SHB: variants seen among roughly 807,000 people sequenced by gnomAD.
The protein encoded by SHB is SH2 domain containing adaptor protein B.
In SHB, 20 loss-of-function variants were observed where a neutral mutation model predicts 52.3. The ratio of observed to expected loss-of-function variants is 0.38; its 90% confidence interval spans 0.27 to 0.56. The LOEUF is 0.56. SHB is among the 20% of genes least tolerant of loss of function. The pLI, the probability that SHB is intolerant of heterozygous loss-of-function variation, is 0.71. For synonymous variants in SHB, 397 were observed against 316.5 expected (o/e 1.25, Z -2.70); for missense variants, 825 against 723.3 (o/e 1.14, Z -1.61).
Position 38,039,863 on chromosome 9 carries a change from G to C in SHB, c.718-23732C>G, listed in dbSNP as rs773653269. Among the ~76,000 whole-genome samples the C allele has an allele frequency of 6.6e-5, 10 of 152,246 alleles. 1 individual carries two copies. Among genetic ancestry groups the C allele is most frequent in the Non-Finnish European group, 1.2e-4 (8 of 68,040 alleles). On this transcript the variant is annotated intron_variant, in intron 1 of 5. Transcript: ENST00000377707. ...AGCTGGAGCTCGAGGGGCGAGGGGA[G>C]AGGAGGAGAAATGGGCCTCTCGACA...
chr9:38,068,394 G>A lies in SHB; in HGVS notation c.252C>T (p.Tyr84=), dbSNP rs777328523. 9 of 1,575,472 alleles carry A rather than the reference G, an allele frequency of 5.7e-6. No homozygotes were observed. In the South Asian group the frequency reaches 7.0e-5, roughly 12 times the overall value. The part of the protein sequence containing the change: ...SGSTSDLIRA[Y]RAQKERDFED... ...CGAAGTCTCGCTCCTTCTGCGCGCG[G>A]TAGGCGCGGATGAGGTCGCTGGTGC... The change falls in exon 1 of 6, where the codon TAC becomes TAT. Residue 84 remains tyrosine, a synonymous_variant. Coordinates refer to ENST00000377707, the MANE Select transcript of SHB (RefSeq NM_003028.3).
At chr9:37,974,434 G>A (rs569063699) in intron 3 of SHB, among the ~76,000 whole-genome samples, 188 bp downstream of exon 3, 7 of 152,166 alleles carry the variant, frequency 4.6e-5, no homozygotes, top group South Asian at 4.2e-4. Context: ...ATTTCTCCTC[G>A]GCCTGGTTTC....
chr9:38,018,475 A>G (rs749923312), intron 1 of SHB, among the ~76,000 whole-genome samples: 12 of 151,292 alleles, frequency 7.9e-5, no homozygotes, highest in Non-Finnish European at 1.2e-4. Flanking sequence ...GGTTCCAGTT[A>G]TACCTGCTGA....
At chr9:38,032,698 G>A (rs940132772) in intron 1 of SHB, among the ~76,000 whole-genome samples, 6 of 152,150 alleles carry the variant, frequency 3.9e-5, no homozygotes, top group African/African-American at 7.2e-5. Context: ...TGTACCAGCC[G>A]TATCCCTCCT....
intron 3 of SHB, among the ~76,000 whole-genome samples, chr9:37,959,913 T>C (rs189491924): frequency 5.6e-4 from 85 of 152,236 alleles, no homozygotes; most frequent in Admixed American, 2.6e-3. Context: ...ACCTAGCCCA[T>C]TACCGGCAAC....
At chr9:37,970,223 C>T (rs1413400117) in intron 3 of SHB, among the ~76,000 whole-genome samples, 3 of 152,306 alleles carry the variant, frequency 2.0e-5, no homozygotes, top group Non-Finnish European at 4.4e-5. Context: ...GAGCAGGCAA[C>T]GAACACCCAG....
At chr9:38,056,058 C>A (rs1289118075) in intron 1 of SHB, among the ~76,000 whole-genome samples, 1 of 152,160 alleles carries the variant, frequency 6.6e-6, no homozygotes, top group African/African-American at 2.4e-5. Flanking sequence ...AGAAAGTTGT[C>A]ATTTTATAAA....
At chr9:38,028,895 T>C (rs1345363292) in intron 1 of SHB, among the ~76,000 whole-genome samples, 1 of 152,196 alleles carries the variant, frequency 6.6e-6, no homozygotes, top group Non-Finnish European at 1.5e-5. Flanking sequence ...TCACCTGCCA[T>C]TCCACGGGGT....
chr9:37,934,884 CA>C (rs1053395003), intron 5 of SHB, among the ~76,000 whole-genome samples: 16 of 152,248 alleles, frequency 1.1e-4, no homozygotes, highest in Admixed American at 1.0e-3. Context: ...TGGGTTTGAC[CA>C]CATTAATTAT....
chr9:38,040,583 G>T (rs1216542123), intron 1 of SHB, among the ~76,000 whole-genome samples: 1 of 152,176 alleles, frequency 6.6e-6, no homozygotes, highest in East Asian at 1.9e-4. Flanking sequence ...AGGCAGACAG[G>T]CAGGTAGTGC....
At chr9:38,041,048 G>A (rs1821569137) in intron 1 of SHB, among the ~76,000 whole-genome samples, 1 of 152,032 alleles carries the variant, frequency 6.6e-6, no homozygotes, top group Admixed American at 6.6e-5. Flanking sequence ...GAGGACATTT[G>A]TCCTTACCGA....
chr9:37,941,436 C>T (rs991444516), intron 5 of SHB, among the ~76,000 whole-genome samples: 15 of 152,216 alleles, frequency 9.9e-5, no homozygotes, highest in Non-Finnish European at 4.4e-5. Context: ...TAGTATGTGG[C>T]GGAGCTGGGT....
At chr9:38,029,211 G>C (rs1158652899) in intron 1 of SHB, among the ~76,000 whole-genome samples, 1 of 152,248 alleles carries the variant, frequency 6.6e-6, no homozygotes, top group Non-Finnish European at 1.5e-5. Context: ...GCATAAAGGG[G>C]TGTGAGTAAA....
At chr9:37,949,749 G>C (rs1444844410) in intron 4 of SHB, among the ~76,000 whole-genome samples, 1 of 152,230 alleles carries the variant, frequency 6.6e-6, no homozygotes, top group Non-Finnish European at 1.5e-5. Context: ...GGTGGGCAGG[G>C]AGGTAGCTGT....
intron 3 of SHB, among the ~76,000 whole-genome samples, chr9:37,956,313 A>C (rs1391407849): frequency 6.6e-6 from 1 of 152,014 alleles, no homozygotes; most frequent in East Asian, 1.9e-4. Context: ...CCCCCACAGA[A>C]ACCTCCCTGT....
intron 2 of SHB, among the ~76,000 whole-genome samples, chr9:37,989,089 A>ACACT (rs1554703196): frequency 2.1e-4 from 32 of 150,750 alleles, no homozygotes; most frequent in Non-Finnish European, 3.8e-4. Flanking sequence ...ACACACACAC[A>ACACT]CTCTCTCTCA....
intron 5 of SHB, among the ~76,000 whole-genome samples, chr9:37,920,400 G>T (rs909359603): frequency 6.6e-6 from 1 of 152,234 alleles, no homozygotes; most frequent in Non-Finnish European, 1.5e-5. Context: ...GGTGCAAAGT[G>T]TGTTCATGTC....
At chr9:37,993,022 A>C (rs145608435) in intron 2 of SHB, among the ~76,000 whole-genome samples, 1 of 152,300 alleles carries the variant, frequency 6.6e-6, no homozygotes, top group African/African-American at 2.4e-5. Flanking sequence ...TGTGCACATG[A>C]GAGTGTCTCA....
At chr9:38,054,330 C>G (rs1019439414) in intron 1 of SHB, among the ~76,000 whole-genome samples, 6 of 152,220 alleles carry the variant, frequency 3.9e-5, no homozygotes, top group African/African-American at 1.4e-4. Flanking sequence ...TTCAGCCACG[C>G]AACCTCTGCT....
Sources: gnomAD v4.1 joint callset for allele counts (sites outside exome capture counted in the v4.1 genomes callset) on GRCh38, gnomAD v4.1.1 for gene constraint, MANE v1.5 for transcripts, NCBI Gene and HGNC (gene_info 2026-07-23, HGNC 2026-07-21) for gene names.